LATS1: variants seen among roughly 807,000 people sequenced by gnomAD.
The protein encoded by LATS1 is large tumor suppressor kinase 1.
A neutral mutation model predicts 106.6 loss-of-function variants in LATS1; 25 were observed. That is an observed-to-expected ratio of 0.23 (90% CI 0.17 to 0.33). The LOEUF (loss-of-function observed/expected upper bound fraction) is 0.33. Among genes scored for constraint, LATS1 ranks in the 10% least tolerant of loss-of-function variants. The pLI is 1.00. For synonymous variants in LATS1, 465 were observed against 455.6 expected (o/e 1.02, Z -0.26); for missense variants, 1,040 against 1,382.6 (o/e 0.75, Z 3.93).
At chr6:149,704,560 C>G (rs942805168) in intron 1 of LATS1, among the ~76,000 whole-genome samples, 4 of 149,680 alleles carry the variant, frequency 2.7e-5, no homozygotes, top group African/African-American at 9.8e-5. Flanking sequence ...GATCACAGCT[C>G]ACTGCAGCCT....
rs368141642 is a variant in LATS1, at chr6:149,676,713, A to G, written c.2618T>C (p.Met873Thr). Residue 873 changes from methionine to threonine, a missense_variant, in exon 6 of 8, where the codon ATG becomes ACG. Met to Thr is a moderately conservative substitution (Grantham distance 81, BLOSUM62 -1). Coordinates refer to ENST00000543571, the MANE Select transcript of LATS1 (RefSeq NM_004690.4). ...QSGDHPRQDS[M>T]DFSNEWGDPS... The stretch of plus-strand genomic sequence containing the variant: ...ATCCCCCCATTCATTACTGAAATCC[A>G]TGCTATCTTGCCGTGGATGGTCACC... 3.7e-6 allele frequency: 6 copies of G among 1,613,486 alleles called. No individual in the cohort carries two copies. In the African/African-American group the frequency reaches 6.7e-5, roughly 18 times the overall value.
At chr6:149,717,691 A>G (rs1027240552) in intron 1 of LATS1, 158 bp downstream of exon 1, 5 of 195,092 alleles carry the variant, frequency 2.6e-5, no homozygotes, top group African/African-American at 1.2e-4. Context: ...GCTCGGGTCA[A>G]TGCAACCAGC....
At chr6:149,695,560 C>T (rs1303180682) in intron 2 of LATS1, among the ~76,000 whole-genome samples, 1 of 151,996 alleles carries the variant, frequency 6.6e-6, no homozygotes, top group Non-Finnish European at 1.5e-5. Flanking sequence ...GCTTGTAATT[C>T]CAGCTACTCA....
At chr6:149,666,208 A>G (rs1327662132) in intron 7 of LATS1, among the ~76,000 whole-genome samples, 2 of 152,004 alleles carry the variant, frequency 1.3e-5, no homozygotes, top group Admixed American at 6.6e-5. Context: ...GATACAATCC[A>G]AAATAACTTA....
intron 2 of LATS1, among the ~76,000 whole-genome samples, chr6:149,700,104 T>A (rs1783368741): frequency 6.6e-6 from 1 of 152,196 alleles, no homozygotes; most frequent in African/African-American, 2.4e-5. Context: ...AAATCCAGTA[T>A]TTTTAGAACA....
chr6:149,678,237 G>A (rs550499665), intron 5 of LATS1, among the ~76,000 whole-genome samples: 28 of 149,348 alleles, frequency 1.9e-4, no homozygotes, highest in African/African-American at 6.2e-4. Context: ...CCAACTACTC[G>A]GGAAGCTGAG....
intron 7 of LATS1, among the ~76,000 whole-genome samples, chr6:149,674,951 C>T (rs991904056): frequency 2.6e-5 from 4 of 151,498 alleles, no homozygotes; most frequent in African/African-American, 9.7e-5. Flanking sequence ...TCATGTCTGG[C>T]CCTCAAAGAA....
intron 1 of LATS1, 50 bp downstream of exon 1, chr6:149,717,799 C>T (rs1268318456): frequency 1.4e-5 from 4 of 276,214 alleles, no homozygotes; most frequent in Non-Finnish European, 2.1e-5. Context: ...CACCGCCCCG[C>T]CAACTCGAGC....
chr6:149,702,807 G>T (rs1428568634), intron 1 of LATS1, among the ~76,000 whole-genome samples: 1 of 152,082 alleles, frequency 6.6e-6, no homozygotes, highest in African/African-American at 2.4e-5. Flanking sequence ...CAATAGCTGG[G>T]ATTACAGGCA....
At chr6:149,688,512 G>T (rs887405454) in intron 3 of LATS1, among the ~76,000 whole-genome samples, 1 of 151,778 alleles carries the variant, frequency 6.6e-6, no homozygotes, top group Non-Finnish European at 1.5e-5. Context: ...GTTTCACTAT[G>T]CTGGCCAGGC....
intron 5 of LATS1, 85 bp downstream of exon 5, chr6:149,679,790 A>G: frequency 9.8e-7 from 1 of 1,019,636 alleles, no homozygotes; most frequent in Non-Finnish European, 1.4e-6. Flanking sequence ...GCTCTCATCC[A>G]GTGATGATAC....
intron 4 of LATS1, among the ~76,000 whole-genome samples, chr6:149,682,751 G>T (rs2114810925): frequency 6.6e-6 from 1 of 152,108 alleles, no homozygotes; most frequent in South Asian, 2.1e-4. Flanking sequence ...TTTAAATGTT[G>T]TAAGATATTG....
intron 3 of LATS1, among the ~76,000 whole-genome samples, chr6:149,692,433 C>T (rs955155325): frequency 6.6e-6 from 1 of 152,026 alleles, no homozygotes; most frequent in African/African-American, 2.4e-5. Context: ...AAAAAAAATC[C>T]CACTATTATA....
In LATS1 at chr6:149,676,565, C is replaced by G; in HGVS notation, c.2766G>C (p.Leu922Phe). The G allele has an allele frequency of 6.2e-7, 1 of 1,613,664 alleles. No homozygotes were observed. Among genetic ancestry groups the G allele is most frequent in the Non-Finnish European group, 8.5e-7 (1 of 1,179,820 alleles). Residue 922 changes from leucine (L) to phenylalanine (F), a missense_variant, in exon 6 of 8, where the codon TTG (leucine) becomes TTC (phenylalanine). Leu to Phe is a conservative substitution (Grantham distance 22). Coordinates refer to ENST00000543571, the MANE Select transcript of LATS1 (RefSeq NM_004690.4). ...AAAGAAGTGCTTTACCTGTTCGTAG[C>G]AACACTTCAGGTGCAATATAATTGG... is the stretch of plus-strand genomic sequence containing the variant. ...GTPNYIAPEVLLRTGYTQLCD... is the reference protein window; with the variant it reads ...GTPNYIAPEVFLRTGYTQLCD...
chr6:149,665,353 C>G (rs976905353), intron 7 of LATS1, among the ~76,000 whole-genome samples: 12 of 152,110 alleles, frequency 7.9e-5, no homozygotes, highest in Admixed American at 7.2e-4. Flanking sequence ...CAGAGTGAGA[C>G]AATATCTCAT....
rs536522687 is a variant in LATS1, at chr6:149,659,839, C to G, written c.*1890G>C. Reference sequence around the variant, plus strand: ...TTGTTTTACAATTCTGATTAGAAATCCTTCAGAAATATTTCTGTATCAAGC... The same window carrying G: ...TTGTTTTACAATTCTGATTAGAAATGCTTCAGAAATATTTCTGTATCAAGC... On this transcript the variant is annotated 3_prime_UTR_variant, in exon 8 of 8. Transcript: ENST00000543571. The G allele has an allele frequency of 8.8e-6, 2 of 226,244 alleles. No individual in the cohort carries two copies. Among genetic ancestry groups the G allele is most frequent in the East Asian group, 1.3e-4 (2 of 15,512 alleles). 14.0% of individuals were successfully genotyped at this position (226,244 alleles called of 1,614,324 possible).
intron 1 of LATS1, among the ~76,000 whole-genome samples, chr6:149,712,601 T>C (rs1389533162): frequency 6.6e-6 from 1 of 152,150 alleles, no homozygotes; most frequent in Non-Finnish European, 1.5e-5. Context: ...TCCTCCCACC[T>C]TAGCCTCCCA....
At position 149,695,095 on chromosome 6, in the gene LATS1, T is replaced by C; in HGVS notation, c.475A>G (p.Ile159Val). The C allele has an allele frequency of 6.2e-7, 1 of 1,601,552 alleles. No individual in the cohort carries two copies. Among genetic ancestry groups the C allele is most frequent in the Non-Finnish European group, 8.5e-7 (1 of 1,176,088 alleles). Residue 159 changes from isoleucine (I) to valine (V), a missense_variant, in exon 3 of 8, where the codon ATT becomes GTT. By Grantham distance (29) the Ile-to-Val change is conservative. Coordinates refer to ENST00000543571, the MANE Select transcript of LATS1 (RefSeq NM_004690.4). Reference protein sequence around the residue: ...EQMAAAAARPINASMKPGNVQ... With the variant: ...EQMAAAAARPVNASMKPGNVQ... Reference sequence around the variant, plus strand: ...TCACCTGGTTTCATGCTGGCATTAATAGGTCTGGCAGCTGCTGCAGCCATC... The same window carrying C: ...TCACCTGGTTTCATGCTGGCATTAACAGGTCTGGCAGCTGCTGCAGCCATC...
At chr6:149,675,950 G>A (rs1216891843) in intron 7 of LATS1, 1 of 280,658 alleles carries the variant, frequency 3.6e-6, no homozygotes, top group Non-Finnish European at 6.9e-6. Flanking sequence ...CATGGAGACT[G>A]GAGTTCACGC....
Sources: gnomAD v4.1 joint callset for allele counts (sites outside exome capture counted in the v4.1 genomes callset) on GRCh38, gnomAD v4.1.1 for gene constraint, MANE v1.5 for transcripts, NCBI Gene and HGNC (gene_info 2026-07-23, HGNC 2026-07-21) for gene names.